ODF2L: variants seen among roughly 807,000 people sequenced by gnomAD.
ODF2L encodes outer dense fiber of sperm tails 2 like.
In ODF2L, 76 loss-of-function variants were observed where a neutral mutation model predicts 86.3. That is an observed-to-expected ratio of 0.88 (90% CI 0.73 to 1.07). ODF2L has a LOEUF of 1.07. ODF2L is among the 50% of genes least tolerant of loss of function. ODF2L has a pLI of 0.00. For missense variants in ODF2L, 748 were observed against 717.4 expected (o/e 1.04, Z -0.49); for synonymous variants, 241 against 231.3 (o/e 1.04, Z -0.38).
At chr1:86,363,431 G>A (rs900944555) in intron 11 of ODF2L, among the ~76,000 whole-genome samples, 1 of 152,102 alleles carries the variant, frequency 6.6e-6, no homozygotes, top group African/African-American at 2.4e-5. Context: ...AATTTGGAGA[G>A]ATTTGTTTTA....
At position 86,380,661 on chromosome 1, in the gene ODF2L, AAATG is replaced by A. The variant is rs569048695; in HGVS notation, c.624+1577_624+1580del. Reference sequence around the variant, plus strand: ...ATTTAAAAATAACCTCTCATTTGCCAAATGAATGAACACATAAAGCTGATTATCT... The same window carrying A: ...ATTTAAAAATAACCTCTCATTTGCCAAATGAACACATAAAGCTGATTATCT... On this transcript the variant is annotated intron_variant, in intron 7 of 17. Transcript: ENST00000317336. Among the ~76,000 whole-genome samples the A allele has an allele frequency of 5.9e-5, 9 of 152,312 alleles. No homozygotes were observed. In the South Asian group the frequency reaches 1.7e-3, roughly 28 times the overall value.
intron 16 of ODF2L, among the ~76,000 whole-genome samples, 173 bp from the exon 16 acceptor site, chr1:86,353,157 A>G (rs1004316588): frequency 1.3e-5 from 2 of 152,224 alleles, no homozygotes; most frequent in African/African-American, 4.8e-5. Context: ...TACTATACTT[A>G]TCTTCGCAGC....
downstream of ODF2L, chr1:86,348,704 G>T: frequency 7.4e-7 from 1 of 1,345,960 alleles, no homozygotes. Flanking sequence ...TCACATTTTA[G>T]ACTCATAATA....
At chr1:86,389,863 TAAC>T (rs1321210392) in intron 1 of ODF2L, among the ~76,000 whole-genome samples, 24 of 152,022 alleles carry the variant, frequency 1.6e-4, no homozygotes, top group Non-Finnish European at 1.2e-4. Context: ...AACAGACCAA[TAAC>T]AACCAGTGAG....
chr1:86,385,554 C>T (rs751678053), exon 3 of ODF2L: 1 of 1,611,048 alleles, frequency 6.2e-7, no homozygotes, highest in South Asian at 1.1e-5. Context: ...GTGTTGCTTC[C>T]AATTCAGTCT....
downstream of ODF2L, chr1:86,349,969 T>C (rs927122000): frequency 5.2e-5 from 9 of 174,490 alleles, no homozygotes; most frequent in Admixed American, 2.6e-4. Flanking sequence ...ATTAAATAAA[T>C]ACTGCCCACT....
At chr1:86,357,195 G>A (rs574054930) in intron 13 of ODF2L, among the ~76,000 whole-genome samples, 140 of 152,108 alleles carry the variant, frequency 9.2e-4, no homozygotes, top group South Asian at 4.2e-3. Context: ...GCAGTTCCTC[G>A]CTGCAGCACT....
In ODF2L at chr1:86,393,446, C is replaced by T. The variant is rs112820429; in HGVS notation, c.-60+2587G>A. Among the ~76,000 whole-genome samples, 5 of 150,286 alleles carry T rather than the reference C, an allele frequency of 3.3e-5. No homozygotes were observed. The East Asian group carries it at 5.8e-4, about 18-fold the overall frequency. Reference sequence around the variant, plus strand: ...AAAAAGCTGGAAAATAAATCTTATGCGTAAAAGCTACCAAAATGGAAAAAA... The same window carrying T: ...AAAAAGCTGGAAAATAAATCTTATGTGTAAAAGCTACCAAAATGGAAAAAA... On this transcript the variant is annotated intron_variant, in intron 1 of 17. Transcript: ENST00000317336.
Position 86,376,343 on chromosome 1 carries a change from CTTCT to C in ODF2L, c.696_699del (p.Glu233GlnfsTer7), listed in dbSNP as rs1316251946. On this transcript the variant is annotated frameshift_variant, in exon 8 of 18. Transcript: ENST00000317336. LOFTEE classifies it high-confidence loss of function. Reference sequence around the variant, plus strand: ...AAAGCTACAGTTTTTTGCCTACTTGCTTCTTTCATCACTATAGCCTCATTCTTAT... The same window carrying C: ...AAAGCTACAGTTTTTTGCCTACTTGCTTCATCACTATAGCCTCATTCTTAT... 6.2e-7 allele frequency: 1 copy of C among 1,612,478 alleles called. No individual in the cohort carries two copies. The highest frequency in any genetic ancestry group is 2.2e-5 in the East Asian group (1 of 44,780).
At chr1:86,392,561 A>T (rs1661408438) in intron 1 of ODF2L, among the ~76,000 whole-genome samples, 1 of 152,228 alleles carries the variant, frequency 6.6e-6, no homozygotes, top group Non-Finnish European at 1.5e-5. Context: ...TAACTCAGCA[A>T]TAAAAAACCA....
intron 11 of ODF2L, among the ~76,000 whole-genome samples, chr1:86,368,469 T>C (rs1659590834): frequency 6.6e-6 from 1 of 152,110 alleles, no homozygotes. Context: ...AGAATAAAAA[T>C]AGAAATTGTT....
At chr1:86,379,098 T>A (rs973892048) in intron 7 of ODF2L, among the ~76,000 whole-genome samples, 2 of 152,138 alleles carry the variant, frequency 1.3e-5, no homozygotes, top group African/African-American at 2.4e-5. Context: ...GATGCCTCAC[T>A]CCCCACTTGT....
Position 86,372,463 on chromosome 1 carries a change from G to A in ODF2L, c.888C>T (p.Thr296=), listed in dbSNP as rs543728139. The A allele has an allele frequency of 7.7e-5, 116 of 1,499,456 alleles. 1 individual carries two copies. The highest frequency in any genetic ancestry group is 1.8e-4 in the South Asian group (13 of 71,162). 92.9% of individuals were successfully genotyped at this position (1,499,456 alleles called of 1,614,324 possible). Residue 296 remains threonine, a synonymous_variant, in exon 9 of 18, where the codon ACC becomes ACT. Coordinates refer to ENST00000317336, the Ensembl canonical transcript of ODF2L. The stretch of plus-strand genomic sequence containing the variant: ...TTGTTTCAATCTGTACTTCCAATTC[G>A]GTTTTTTCTATCACAATTTTCTCAT...
At chr1:86,376,249 G>A (rs1191638473) in exon 8 of ODF2L, 5 of 1,607,144 alleles carry the variant, frequency 3.1e-6, no homozygotes, top group Non-Finnish European at 4.3e-6. Flanking sequence ...TCTAATTTGG[G>A]AAGTAAGCTT....
chr1:86,373,960 T>C (rs544389501), intron 8 of ODF2L, among the ~76,000 whole-genome samples: 3 of 152,248 alleles, frequency 2.0e-5, no homozygotes, highest in Admixed American at 6.5e-5. Flanking sequence ...ACTCAATAAA[T>C]AGCTCAAATA....
At chr1:86,365,416 AG>A in intron 11 of ODF2L, among the ~76,000 whole-genome samples, 1 of 152,284 alleles carries the variant, frequency 6.6e-6, no homozygotes, top group Middle Eastern at 3.4e-3. Flanking sequence ...GGATGGATGG[AG>A]GGAAGAAAAG....
At position 86,387,099 on chromosome 1, in the gene ODF2L, TTA is replaced by T; in HGVS notation, c.-59-15_-59-14del. 1.5e-6 allele frequency: 1 copy of T among 686,770 alleles called. No individual in the cohort carries two copies. The highest frequency in any genetic ancestry group is 3.0e-5 in the East Asian group (1 of 33,382). 42.5% of individuals were successfully genotyped at this position (686,770 alleles called of 1,614,324 possible). A position where few individuals can be genotyped will look rare whatever the true frequency, so the allele number is the denominator to read the frequency against. ...CATAAGCTGAAAGCTAGGAAATATT[TTA>T]GTTATTAAATTTATTTCAATAGAGT... On this transcript the variant is annotated splice_polypyrimidine_tract_variant and intron_variant, in intron 1 of 17. Transcript: ENST00000317336.
intron 7 of ODF2L, among the ~76,000 whole-genome samples, chr1:86,378,683 G>C (rs1006744348): frequency 2.0e-5 from 3 of 152,010 alleles, no homozygotes; most frequent in South Asian, 2.1e-4. Flanking sequence ...AAGAGCCAAG[G>C]GGGGAAGCCC....
chr1:86,383,050 T>C, intron 5 of ODF2L, 48 bp from the exon 6 acceptor site: 1 of 1,287,674 alleles, frequency 7.8e-7, no homozygotes, highest in African/African-American at 1.5e-5. Flanking sequence ...ACTTGGATAA[T>C]ATTGGCTAAC....
Sources: allele counts gnomAD v4.1 joint callset (sites outside exome capture counted in the v4.1 genomes callset), GRCh38; gene constraint gnomAD v4.1.1; transcripts MANE v1.5; gene names NCBI Gene and HGNC (gene_info 2026-07-23, HGNC 2026-07-21).